Variants in SHANK2 observed in about 807,000 individuals in gnomAD.
SHANK2 encodes SH3 and multiple ankyrin repeat domains protein 2.
Under a neutral mutation model 133.7 loss-of-function variants are expected in SHANK2, and 43 were observed. The ratio of observed to expected loss-of-function variants is 0.32; its 90% CI spans 0.25 to 0.41. The LOEUF (loss-of-function observed/expected upper bound fraction) is 0.41, where lower values mean the gene tolerates loss of function less well. SHANK2 is among the 10% of genes least tolerant of loss of function. SHANK2 has a pLI of 1.00. For synonymous variants in SHANK2, 1,017 were observed against 952.8 expected (o/e 1.07, Z -1.24); for missense variants, 1,994 against 2,235.8 (o/e 0.89, Z 2.18).
chr11:70,738,847 G>A (rs1361182368), intron 14 of SHANK2, among the ~76,000 whole-genome samples: 6 of 152,196 alleles, frequency 3.9e-5, no homozygotes, highest in African/African-American at 9.6e-5. Flanking sequence ...CTCCAGCCAC[G>A]TCCATGCACT....
At chr11:70,738,952 T>C (rs1946465804) in intron 14 of SHANK2, among the ~76,000 whole-genome samples, 1 of 152,186 alleles carries the variant, frequency 6.6e-6, no homozygotes, top group Non-Finnish European at 1.5e-5. Context: ...TGGACTCAAC[T>C]TTCCCATGTA....
intron 17 of SHANK2, among the ~76,000 whole-genome samples, chr11:70,578,354 G>T (rs11236713): frequency 2.0e-5 from 3 of 152,002 alleles, no homozygotes; most frequent in Non-Finnish European, 4.4e-5. Context: ...TTCCAGCCCC[G>T]CAAGAGTGGG....
At chr11:71,107,012 G>T (rs187080210) in intron 6 of SHANK2, among the ~76,000 whole-genome samples, 65 of 152,268 alleles carry the variant, frequency 4.3e-4, no homozygotes, top group Non-Finnish European at 6.2e-4. Flanking sequence ...TTACTTGGAG[G>T]GCTGAGGTGG....
chr11:70,517,854 G>A (rs1021784329), intron 17 of SHANK2, among the ~76,000 whole-genome samples: 2 of 152,100 alleles, frequency 1.3e-5, no homozygotes, highest in African/African-American at 4.8e-5. Flanking sequence ...TGTAGACTAC[G>A]GGCTTTAGTT....
intron 17 of SHANK2, among the ~76,000 whole-genome samples, chr11:70,560,588 G>A (rs1050805879): frequency 6.8e-6 from 1 of 147,026 alleles, no homozygotes; most frequent in South Asian, 2.2e-4. Flanking sequence ...TGTAAAAAAG[G>A]ACAAAGTTGG....
upstream of SHANK2, among the ~76,000 whole-genome samples, chr11:71,253,146 G>A: frequency 6.6e-6 from 1 of 152,286 alleles, no homozygotes; most frequent in East Asian, 1.9e-4. Flanking sequence ...GAAAAGCCAG[G>A]GGGTGGGGTG....
At chr11:70,657,607 A>G (rs2134246951) in intron 17 of SHANK2, among the ~76,000 whole-genome samples, 2 of 152,300 alleles carry the variant, frequency 1.3e-5, no homozygotes, top group Admixed American at 1.3e-4. Context: ...GGTGTGGAGC[A>G]GCCTCGTAGG....
At chr11:70,642,602 G>A (rs1457592662) in intron 17 of SHANK2, among the ~76,000 whole-genome samples, 2 of 152,158 alleles carry the variant, frequency 1.3e-5, no homozygotes, top group Non-Finnish European at 2.9e-5. Context: ...TCCCTCCCAC[G>A]GACACAGAGG....
chr11:70,495,454 G>C (rs1304772689), intron 21 of SHANK2, among the ~76,000 whole-genome samples: 1 of 152,212 alleles, frequency 6.6e-6, no homozygotes, highest in East Asian at 1.9e-4. Flanking sequence ...ACTCCAGCTT[G>C]GTCTATCCCT....
chr11:70,874,097 TTATC>T (rs1306084136), intron 11 of SHANK2, among the ~76,000 whole-genome samples: 6 of 152,120 alleles, frequency 3.9e-5, no homozygotes, highest in South Asian at 2.1e-4. Flanking sequence ...TCCATCCATC[TTATC>T]TATCAATCCA....
At chr11:70,783,539 A>G (rs1947561066) in intron 14 of SHANK2, among the ~76,000 whole-genome samples, 2 of 152,110 alleles carry the variant, frequency 1.3e-5, no homozygotes, top group Admixed American at 1.3e-4. Flanking sequence ...CTGTCTCCAT[A>G]TGGCTCACGA....
chr11:70,933,170 A>C (rs1950525007), intron 10 of SHANK2: 1 of 456,604 alleles, frequency 2.2e-6, no homozygotes, highest in East Asian at 6.9e-5. Context: ...TGCAGGTGGA[A>C]TATTATTCGG....
At chr11:70,817,314 C>A (rs1425086181) in intron 12 of SHANK2, among the ~76,000 whole-genome samples, 7 of 152,194 alleles carry the variant, frequency 4.6e-5, no homozygotes, top group Admixed American at 1.3e-4. Context: ...TACAGCACAG[C>A]TATTGCTACC....
intron 17 of SHANK2, among the ~76,000 whole-genome samples, chr11:70,582,694 C>T (rs782102060): frequency 6.6e-6 from 1 of 152,212 alleles, no homozygotes; most frequent in Non-Finnish European, 1.5e-5. Context: ...CCTGAAGGGG[C>T]CTTATCCCAG....
At position 71,147,315 on chromosome 11, in the gene SHANK2, G is replaced by A. The variant is rs782629418; in HGVS notation, c.12C>T (p.Ser4=). Residue 4 remains serine (S), a synonymous_variant, in exon 3 of 26, where the codon AGC becomes AGT. Coordinates refer to ENST00000601538, the MANE Select transcript of SHANK2 (RefSeq NM_012309.5). MPR[S]PTSSEDEMAQ... ...CCATCTCGTCCTCGCTGGATGTTGG[G>A]CTGCGCGGCATGGCTGCCTGTGTCT... The A allele has an allele frequency of 9.0e-6, 14 of 1,549,968 alleles. No individual in the cohort carries two copies. Among genetic ancestry groups the A allele is most frequent in the Non-Finnish European group, 1.1e-5 (13 of 1,146,280 alleles).
At chr11:70,570,080 C>G (rs1369342914) in intron 17 of SHANK2, among the ~76,000 whole-genome samples, 1 of 152,188 alleles carries the variant, frequency 6.6e-6, no homozygotes, top group South Asian at 2.1e-4. Context: ...CATAAGCTGT[C>G]GCTACCTGAC....
In SHANK2 at chr11:70,479,171, C is replaced by T. The variant is rs2058701363; in HGVS notation, c.4980-5732G>A. Among the ~76,000 whole-genome samples, 1 of 152,192 alleles carries T rather than the reference C, an allele frequency of 6.6e-6. No homozygotes were observed. Among genetic ancestry groups the T allele is most frequent in the South Asian group, 2.1e-4 (1 of 4,834 alleles). On this transcript the variant is annotated intron_variant, in intron 25 of 25. Transcript: ENST00000601538. This position sits in a 1 kb window ranked among gnomAD's most constrained non-coding sequence, Gnocchi z 4.4. ...CACCCACAGTCGCATTCACTGATGT[C>T]ACATTCACTTTTCCATCAGGGCCTG...
intron 14 of SHANK2, among the ~76,000 whole-genome samples, chr11:70,712,135 C>T (rs1945799832): frequency 6.6e-6 from 1 of 152,236 alleles, no homozygotes; most frequent in Non-Finnish European, 1.5e-5. Flanking sequence ...CTTCCAGAGG[C>T]TGCGGTGTTC....
intron 8 of SHANK2, among the ~76,000 whole-genome samples, chr11:71,085,886 C>A (rs1565441959): frequency 0.1 from 21 of 208 alleles, 4 homozygotes; most frequent in Admixed American, 0.3. Flanking sequence ...TTTATATAAC[C>A]TTAATATATA....
Sources: allele counts gnomAD v4.1 joint callset (sites outside exome capture counted in the v4.1 genomes callset), GRCh38; gene constraint gnomAD v4.1.1; non-coding constraint Gnocchi (gnomAD v3.1); transcripts MANE v1.5; gene names NCBI Gene and HGNC (gene_info 2026-07-23, HGNC 2026-07-21).